Variants in OTUD7B observed in about 807,000 individuals in gnomAD.
OTUD7B encodes the protein OTU deubiquitinase 7B, also known as OTU domain-containing protein 7B.
In OTUD7B, 34 loss-of-function variants were observed where a neutral mutation model predicts 82.2. The ratio of observed to expected loss-of-function variants is 0.41; its 90% confidence interval spans 0.31 to 0.55. OTUD7B has a LOEUF of 0.55. OTUD7B is among the 20% of genes least tolerant of loss of function. The pLI is 0.20. For synonymous variants in OTUD7B, 398 were observed against 402.7 expected (o/e 0.99, Z 0.14); for missense variants, 944 against 1,062.1 (o/e 0.89, Z 1.55).
chr1:150,054,837 C>CAAAAAAAAAAAA, the OTUD7B span: 1 of 146,866 alleles, frequency 6.8e-6, no homozygotes, highest in Non-Finnish European at 1.4e-5. Flanking sequence ...AAAGACGCTG[C>CAAAAAAAAAAAA]AGAAGCCCAG....
chr1:150,043,572 A>G, the OTUD7B span, among the ~76,000 whole-genome samples: 1 of 152,094 alleles, frequency 6.6e-6, no homozygotes, highest in African/African-American at 2.4e-5. Flanking sequence ...GTTCACCCCT[A>G]TTTGGACATA....
intron 1 of OTUD7B, among the ~76,000 whole-genome samples, chr1:150,001,573 A>G (rs1033361810): frequency 2.6e-5 from 4 of 152,178 alleles, no homozygotes; most frequent in Non-Finnish European, 5.9e-5. Flanking sequence ...ATCTCCCCTA[A>G]AACAGCCAAG....
At chr1:149,949,885 G>T in intron 8 of OTUD7B, 107 bp from the exon 9 acceptor site, 1 of 1,339,388 alleles carries the variant, frequency 7.5e-7, no homozygotes, top group Non-Finnish European at 1.0e-6. Flanking sequence ...ATTCCAACAT[G>T]TTTAATAATT....
intron 6 of OTUD7B, chr1:149,963,424 T>G (rs1375178293): frequency 6.6e-6 from 1 of 152,232 alleles, no homozygotes; most frequent in Non-Finnish European, 1.5e-5. Context: ...GGCCAGGTAG[T>G]CAGTAAGTAT....
chr1:149,977,643 G>A, intron 1 of OTUD7B, 67 bp from the exon 2 acceptor site: 1 of 641,922 alleles, frequency 1.6e-6, no homozygotes, highest in Non-Finnish European at 2.8e-6. Context: ...TCCCATGTCA[G>A]CAGCTTCCTA....
chr1:149,965,982 C>A, intron 4 of OTUD7B, 104 bp from the exon 5 acceptor site: 1 of 788,026 alleles, frequency 1.3e-6, no homozygotes, highest in Non-Finnish European at 2.1e-6. Context: ...GGAGGCCTAC[C>A]CAGAATAAAA....
the OTUD7B span, among the ~76,000 whole-genome samples, chr1:150,023,236 C>T: frequency 6.6e-6 from 1 of 152,126 alleles, no homozygotes; most frequent in Non-Finnish European, 1.5e-5. Flanking sequence ...TGTGGAGGTT[C>T]CTCAAAAAAT....
chr1:149,982,548 C>G (rs1258740853), intron 1 of OTUD7B, among the ~76,000 whole-genome samples: 1 of 151,968 alleles, frequency 6.6e-6, no homozygotes, highest in Non-Finnish European at 1.5e-5. Context: ...CAACCTCCAC[C>G]CCCCAGGCTC....
chr1:150,047,582 T>C, the OTUD7B span: 1 of 152,218 alleles, frequency 6.6e-6, no homozygotes, highest in Admixed American at 6.5e-5. Flanking sequence ...ACATCCTCTA[T>C]AAATCCTCTA....
chr1:149,957,736 C>T (rs1462789093), intron 7 of OTUD7B, among the ~76,000 whole-genome samples: 2 of 152,218 alleles, frequency 1.3e-5, no homozygotes, highest in Non-Finnish European at 2.9e-5. Flanking sequence ...TCAGCAATGG[C>T]GGACGCCCCT....
upstream of OTUD7B, among the ~76,000 whole-genome samples, chr1:150,014,113 G>A (rs1160919021): frequency 9.8e-6 from 1 of 101,920 alleles, no homozygotes; most frequent in African/African-American, 3.8e-5. Context: ...TATAGTAGGG[G>A]CTCAGCCAGG....
upstream of OTUD7B, among the ~76,000 whole-genome samples, chr1:150,015,105 A>G (rs782703064): frequency 1.3e-5 from 2 of 152,134 alleles, no homozygotes; most frequent in Non-Finnish European, 2.9e-5. Flanking sequence ...TTAAATATCT[A>G]TTAAGTGAAT....
the OTUD7B span, among the ~76,000 whole-genome samples, chr1:150,040,894 G>C: frequency 1.3e-5 from 2 of 151,998 alleles, no homozygotes; most frequent in East Asian, 3.9e-4. Context: ...ATTTTTAGTA[G>C]AGACAGGGTT....
intron 1 of OTUD7B, among the ~76,000 whole-genome samples, chr1:149,980,987 G>A (rs1308768281): frequency 3.1e-5 from 4 of 127,934 alleles, no homozygotes; most frequent in African/African-American, 1.2e-4. Context: ...TACTCTTCAG[G>A]CTGGGCAACA....
At chr1:149,982,218 C>A (rs1650802780) in intron 1 of OTUD7B, among the ~76,000 whole-genome samples, 2 of 147,706 alleles carry the variant, frequency 1.4e-5, no homozygotes, top group Admixed American at 1.4e-4. Context: ...AAAACTCTTG[C>A]AGCAGGTCTC....
chr1:149,985,365 C>A (rs913219312), intron 1 of OTUD7B, among the ~76,000 whole-genome samples: 1 of 151,908 alleles, frequency 6.6e-6, no homozygotes, highest in Non-Finnish European at 1.5e-5. Flanking sequence ...CAGGATCATG[C>A]GACTGCACTC....
chr1:149,985,349 G>C (rs1559855976), intron 1 of OTUD7B, among the ~76,000 whole-genome samples: 1 of 152,058 alleles, frequency 6.6e-6, no homozygotes, highest in Non-Finnish European at 1.5e-5. Flanking sequence ...TGGAGGTTGA[G>C]TGAGCCAGGA....
intron 5 of OTUD7B, among the ~76,000 whole-genome samples, chr1:149,965,101 C>G (rs112721753): frequency 0.021 from 3,212 of 152,172 alleles, 93 homozygotes; most frequent in African/African-American, 0.07. Flanking sequence ...CCGTGTTGGC[C>G]AGGCTGGTCT....
intron 11 of OTUD7B, among the ~76,000 whole-genome samples, chr1:149,946,241 C>T (rs1553772059): frequency 2.1e-5 from 3 of 144,114 alleles, no homozygotes; most frequent in African/African-American, 2.6e-5. Context: ...CGGGCACCTG[C>T]AATCTCAGCT....
Sources: gnomAD v4.1 joint callset for allele counts (sites outside exome capture counted in the v4.1 genomes callset) on GRCh38, gnomAD v4.1.1 for gene constraint, MANE v1.5 for transcripts, NCBI Gene and HGNC (gene_info 2026-07-23, HGNC 2026-07-21) for gene names.